PLXNA4: variants seen among roughly 807,000 people sequenced by gnomAD.
The protein encoded by PLXNA4 is plexin A4.
Under a neutral mutation model 191.8 loss-of-function variants are expected in PLXNA4, and 44 were observed. The observed-to-expected ratio is 0.23, with a 90% CI of 0.18 to 0.29. The LOEUF (loss-of-function observed/expected upper bound fraction) is 0.29, where lower values mean the gene tolerates loss of function less well. Ranked by LOEUF, PLXNA4 falls within the 10% of genes least tolerant of loss-of-function variation. The pLI is 1.00. For missense variants in PLXNA4, 1,800 were observed against 2,488.8 expected (o/e 0.72, Z 5.89); for synonymous variants, 1,082 against 1,009.5 (o/e 1.07, Z -1.36).
chr7:132,162,336 G>GT (rs1258834749), intron 24 of PLXNA4, among the ~76,000 whole-genome samples: 1 of 152,172 alleles, frequency 6.6e-6, no homozygotes, highest in Admixed American at 6.5e-5. Context: ...CACTGCTCCT[G>GT]TCCTCAAGTG....
At chr7:132,334,842 A>G (rs1205513128) in intron 3 of PLXNA4, among the ~76,000 whole-genome samples, 1 of 152,222 alleles carries the variant, frequency 6.6e-6, no homozygotes, top group African/African-American at 2.4e-5. Flanking sequence ...GAATGGCGCC[A>G]TAACAAAAGA....
intron 31 of PLXNA4, among the ~76,000 whole-genome samples, chr7:132,132,536 T>G (rs1794996836): frequency 6.6e-6 from 1 of 151,126 alleles, no homozygotes; most frequent in South Asian, 2.1e-4. Context: ...TATTCTATTC[T>G]ATTCTATTCT....
chr7:132,454,056 C>T (rs1796226148), intron 3 of PLXNA4, among the ~76,000 whole-genome samples: 1 of 152,200 alleles, frequency 6.6e-6, no homozygotes, highest in Non-Finnish European at 1.5e-5. Flanking sequence ...CCTAGCAGCC[C>T]ACTGGGTTTA....
At chr7:132,547,526 G>T (rs1404795520) in intron 1 of PLXNA4, among the ~76,000 whole-genome samples, 1 of 152,170 alleles carries the variant, frequency 6.6e-6, no homozygotes, top group Non-Finnish European at 1.5e-5. Flanking sequence ...GCATGGGTAA[G>T]TGTATAGTGA....
chr7:132,319,470 A>C (rs1480454181), intron 3 of PLXNA4, among the ~76,000 whole-genome samples: 2 of 151,678 alleles, frequency 1.3e-5, no homozygotes, highest in African/African-American at 2.4e-5. Context: ...TTCCTACTCT[A>C]GGTCTGTTCT....
At chr7:132,219,526 G>T (rs1045434775) in intron 9 of PLXNA4, among the ~76,000 whole-genome samples, 1 of 152,098 alleles carries the variant, frequency 6.6e-6, no homozygotes, top group Non-Finnish European at 1.5e-5. Flanking sequence ...AATGCTTAGG[G>T]TAATGAAGAA....
chr7:132,146,391 G>C (rs1795434787), intron 28 of PLXNA4, 119 bp downstream of exon 28: 1 of 1,538,058 alleles, frequency 6.5e-7, no homozygotes, highest in Admixed American at 1.7e-5. Context: ...CCTGGGGTGG[G>C]TAATAGAGTG....
Position 132,145,054 on chromosome 7 carries a change from A to G in PLXNA4, c.5225+65T>C, listed in dbSNP as rs1795378506. 4 of 1,610,412 alleles carry G rather than the reference A, an allele frequency of 2.5e-6. No homozygotes were observed. The South Asian group carries it at 3.3e-5, about 13-fold the overall frequency. ...TCTCCTGGAGGCCCAGAGTCCCACC[A>G]CCATTAACTTGAGGCTGGGTGGGCT... On this transcript the variant is annotated intron_variant, in intron 29 of 31. Coordinates refer to ENST00000321063, the MANE Select transcript of PLXNA4 (RefSeq NM_020911.2).
intron 3 of PLXNA4, among the ~76,000 whole-genome samples, chr7:132,364,350 C>T (rs1258764200): frequency 6.6e-6 from 1 of 152,198 alleles, no homozygotes; most frequent in East Asian, 1.9e-4. Flanking sequence ...TTCTTTGTTC[C>T]CCAAAGCTCT....
intron 4 of PLXNA4, among the ~76,000 whole-genome samples, chr7:132,256,659 C>T (rs1047117885): frequency 2.0e-5 from 3 of 152,190 alleles, no homozygotes; most frequent in African/African-American, 7.2e-5. Context: ...GTGCCTGGGC[C>T]AAGCTCTGAG....
intron 4 of PLXNA4, among the ~76,000 whole-genome samples, chr7:132,250,846 C>T (rs1221713860): frequency 6.6e-6 from 1 of 152,182 alleles, no homozygotes; most frequent in Non-Finnish European, 1.5e-5. Flanking sequence ...TACCAACACT[C>T]CTCATTTGAT....
At chr7:132,468,673 C>G (rs1339309663) in intron 3 of PLXNA4, among the ~76,000 whole-genome samples, 1 of 152,004 alleles carries the variant, frequency 6.6e-6, no homozygotes, top group African/African-American at 2.4e-5. Flanking sequence ...AAATGGCAGA[C>G]AGGTCCTCCT....
At chr7:132,269,492 A>T (rs1306639449) in intron 4 of PLXNA4, among the ~76,000 whole-genome samples, 1 of 151,112 alleles carries the variant, frequency 6.6e-6, no homozygotes, top group Non-Finnish European at 1.5e-5. Context: ...GTGGCATGGG[A>T]CACCACATCA....
chr7:132,569,313 AT>A (rs1257249454), intron 1 of PLXNA4, among the ~76,000 whole-genome samples: 1 of 151,984 alleles, frequency 6.6e-6, no homozygotes, highest in Admixed American at 6.6e-5. Flanking sequence ...CCTTTGCTTC[AT>A]TTTTGCTTCC....
intron 14 of PLXNA4, among the ~76,000 whole-genome samples, chr7:132,189,241 C>T (rs988511864): frequency 2.0e-5 from 3 of 151,554 alleles, no homozygotes; most frequent in Admixed American, 2.0e-4. Flanking sequence ...TCAAGGGGCT[C>T]ACTGGTGGGG....
intron 4 of PLXNA4, among the ~76,000 whole-genome samples, chr7:132,259,553 A>T (rs1449816071): frequency 1.3e-5 from 2 of 150,954 alleles, no homozygotes; most frequent in African/African-American, 2.4e-5. Context: ...TACCTGTGGG[A>T]TAAGGTGTGC....
chr7:132,602,131 T>C (rs574692600), intron 2 of PLXNA4, among the ~76,000 whole-genome samples: 13 of 152,224 alleles, frequency 8.5e-5, no homozygotes, highest in Non-Finnish European at 1.6e-4. Flanking sequence ...TTTTTCAGAC[T>C]CTGGTATGAT....
intron 3 of PLXNA4, among the ~76,000 whole-genome samples, chr7:132,429,887 C>T (rs761154007): frequency 3.9e-5 from 6 of 152,168 alleles, no homozygotes; most frequent in Admixed American, 2.0e-4. Flanking sequence ...AATCATCCTA[C>T]GAGGTTTACT....
intron 7 of PLXNA4, 63 bp downstream of exon 7, chr7:132,227,388 T>C: frequency 6.2e-7 from 1 of 1,603,772 alleles, no homozygotes; most frequent in African/African-American, 1.3e-5. Flanking sequence ...ACATCTGTCC[T>C]GAGTTCTCCT....
Sources: gnomAD v4.1 joint callset for allele counts (sites outside exome capture counted in the v4.1 genomes callset) on GRCh38, gnomAD v4.1.1 for gene constraint, MANE v1.5 for transcripts, NCBI Gene and HGNC (gene_info 2026-07-23, HGNC 2026-07-21) for gene names.